Variants in CSMD3 observed in about 807,000 individuals in gnomAD.
CSMD3 encodes the protein CUB and sushi domain-containing protein 3.
CSMD3 carries 177 observed loss-of-function variants against 435.2 expected under a neutral mutation model. The ratio of observed to expected loss-of-function variants is 0.41; its 90% CI spans 0.36 to 0.46. The LOEUF (loss-of-function observed/expected upper bound fraction) is 0.46, where lower values mean the gene tolerates loss of function less well. Ranked by LOEUF, CSMD3 falls within the 20% of genes least tolerant of loss-of-function variation. The pLI is 0.34. For missense variants in CSMD3, 4,265 were observed against 4,504.6 expected, an observed-to-expected ratio of 0.95 and a Z score of 1.52; for synonymous variants, 1,656 against 1,520.5, an observed-to-expected ratio of 1.09 and a Z score of -2.07.
intron 24 of CSMD3, among the ~76,000 whole-genome samples, chr8:112,563,191 A>G (rs1251968116): frequency 6.6e-6 from 1 of 151,874 alleles, no homozygotes; most frequent in Non-Finnish European, 1.5e-5. Context: ...TCTCATTAAT[A>G]GAACTAATAA....
chr8:112,604,815 C>T (rs577055255), intron 22 of CSMD3, among the ~76,000 whole-genome samples: 1 of 152,154 alleles, frequency 6.6e-6, no homozygotes, highest in South Asian at 2.1e-4. Context: ...AGCTTTTGCA[C>T]AGCAAAAGAA....
chr8:113,421,850 A>G (rs1391964842), intron 1 of CSMD3, among the ~76,000 whole-genome samples: 1 of 152,212 alleles, frequency 6.6e-6, no homozygotes, highest in Non-Finnish European at 1.5e-5. Flanking sequence ...TTAACCACTA[A>G]TGAAGACAAG....
At chr8:112,756,116 A>G (rs781639240) in intron 13 of CSMD3, among the ~76,000 whole-genome samples, 20 of 152,228 alleles carry the variant, frequency 1.3e-4, no homozygotes, top group Admixed American at 5.2e-4. Context: ...TGAGTGGGCT[A>G]TTAGGTATAA....
Position 112,374,175 on chromosome 8 carries a change from G to C in CSMD3, c.6136+6177C>G, listed in dbSNP as rs1198366441. Among the ~76,000 whole-genome samples the C allele has an allele frequency of 5.3e-5, 8 of 150,986 alleles. No homozygotes were observed. The East Asian group carries it at 1.6e-3, about 29-fold the overall frequency. ...ATTATGTTAATGTCCTTACTGATTAGACAGTAGATTTGCAAACAAGAAACA... is the reference window on the plus strand; with the variant it reads ...ATTATGTTAATGTCCTTACTGATTACACAGTAGATTTGCAAACAAGAAACA... On this transcript the variant is annotated intron_variant, in intron 38 of 70. Coordinates refer to ENST00000297405, the MANE Select transcript of CSMD3 (RefSeq NM_198123.2).
chr8:112,534,618 C>A (rs1430309165), intron 27 of CSMD3, among the ~76,000 whole-genome samples: 1 of 152,088 alleles, frequency 6.6e-6, no homozygotes, highest in Non-Finnish European at 1.5e-5. Flanking sequence ...GGAATTGGTA[C>A]CATTCCTTCT....
chr8:113,131,234 T>G (rs151129012), intron 4 of CSMD3, among the ~76,000 whole-genome samples: 2 of 152,034 alleles, frequency 1.3e-5, no homozygotes, highest in African/African-American at 4.8e-5. Context: ...GAGTCAAATG[T>G]TAACAGTCAA....
chr8:112,396,855 G>A lies in CSMD3; in HGVS notation c.5810-6067C>T, dbSNP rs12675652. 1.6e-4 allele frequency among the ~76,000 whole-genome samples: 25 copies of A among 152,254 alleles called. No homozygotes were observed. The East Asian group carries it at 4.6e-3, about 28-fold the overall frequency. ...AAGAGTAAACGGTTGATGGGTGGCAGAAAATTATTTTAGATAGGATGGCCA... is the reference window on the plus strand; with the variant it reads ...AAGAGTAAACGGTTGATGGGTGGCAAAAAATTATTTTAGATAGGATGGCCA... On this transcript the variant is annotated intron_variant, in intron 35 of 70. Transcript: ENST00000297405.
At chr8:113,431,228 A>G (rs1366301941) in intron 1 of CSMD3, among the ~76,000 whole-genome samples, 1 of 152,200 alleles carries the variant, frequency 6.6e-6, no homozygotes, top group Non-Finnish European at 1.5e-5. Flanking sequence ...TACTCATCCA[A>G]AGTCCAAATC....
At chr8:113,219,966 C>A (rs920034525) in intron 3 of CSMD3, among the ~76,000 whole-genome samples, 1 of 151,314 alleles carries the variant, frequency 6.6e-6, no homozygotes, top group Non-Finnish European at 1.5e-5. Flanking sequence ...GAAAATTGGG[C>A]AAAATCATAA....
chr8:112,288,950 A>G (rs1299301231), intron 57 of CSMD3, among the ~76,000 whole-genome samples: 1 of 152,116 alleles, frequency 6.6e-6, no homozygotes, highest in East Asian at 1.9e-4. Flanking sequence ...TTGCTTAGAA[A>G]GTTAAACAGA....
rs145993630 is a variant in CSMD3 at position 112,620,740 on chromosome 8, A to G, written c.3715+16077T>C. On this transcript the variant is annotated intron_variant, in intron 22 of 70. Coordinates refer to ENST00000297405, the MANE Select transcript of CSMD3 (RefSeq NM_198123.2). ...GCATTTGATCCCCGCCTCCTACTGC[A>G]TCTTGTGTTTTTTGCCTCTATAATT... Among the ~76,000 whole-genome samples the G allele has an allele frequency of 1.4e-3, 217 of 152,190 alleles. 3 individuals are homozygous for G. Among genetic ancestry groups the G allele is most frequent in the African/African-American group, 5.0e-3 (209 of 41,536 alleles).
At chr8:112,664,352 A>C (rs1164638874) in intron 17 of CSMD3, among the ~76,000 whole-genome samples, 1 of 152,122 alleles carries the variant, frequency 6.6e-6, no homozygotes, top group East Asian at 1.9e-4. Context: ...CTGTGTGCTA[A>C]AGTAAGGTTG....
At chr8:113,349,243 G>A (rs914704847) in intron 1 of CSMD3, among the ~76,000 whole-genome samples, 3 of 151,950 alleles carry the variant, frequency 2.0e-5, no homozygotes, top group African/African-American at 7.2e-5. Context: ...GTGCCAAAGG[G>A]ACATATAAAC....
intron 35 of CSMD3, among the ~76,000 whole-genome samples, chr8:112,392,244 A>C (rs1020350266): frequency 2.0e-5 from 3 of 149,280 alleles, no homozygotes; most frequent in African/African-American, 7.4e-5. Context: ...TGTAATAATA[A>C]TTTATTTTAA....
At chr8:113,313,501 T>G (rs1453975877) in intron 2 of CSMD3, 1 of 152,084 alleles carries the variant, frequency 6.6e-6, no homozygotes, top group East Asian at 1.9e-4. Context: ...TTTTGTATTT[T>G]TAGTAGAGAC....
At chr8:113,202,278 T>C (rs1249758741) in intron 3 of CSMD3, among the ~76,000 whole-genome samples, 1 of 152,156 alleles carries the variant, frequency 6.6e-6, no homozygotes, top group Non-Finnish European at 1.5e-5. Flanking sequence ...TGCTTGGATC[T>C]CTCAAATTAT....
intron 10 of CSMD3, among the ~76,000 whole-genome samples, chr8:112,904,499 C>A (rs1411364265): frequency 6.6e-6 from 1 of 151,358 alleles, no homozygotes; most frequent in Non-Finnish European, 1.5e-5. Context: ...GAGATCTTGC[C>A]AATATGAGGC....
chr8:112,812,898 A>G (rs567896955), intron 12 of CSMD3, among the ~76,000 whole-genome samples: 2 of 152,356 alleles, frequency 1.3e-5, no homozygotes, highest in South Asian at 2.1e-4. Flanking sequence ...TATAAAATAA[A>G]GAACATAATC....
chr8:112,402,106 G>A (rs1350876931), intron 35 of CSMD3, among the ~76,000 whole-genome samples: 1 of 152,106 alleles, frequency 6.6e-6, no homozygotes, highest in African/African-American at 2.4e-5. Context: ...ACTAAGCCAA[G>A]GCTTTTAGTC....
Sources: allele counts gnomAD v4.1 joint callset (sites outside exome capture counted in the v4.1 genomes callset), GRCh38; gene constraint gnomAD v4.1.1; transcripts MANE v1.5; gene names NCBI Gene and HGNC (gene_info 2026-07-23, HGNC 2026-07-21).